SCN4B: variants seen among roughly 807,000 people sequenced by gnomAD.
SCN4B encodes the protein sodium voltage-gated channel beta subunit 4, also known as sodium channel regulatory subunit beta-4.
In SCN4B, 20 loss-of-function variants were observed where a neutral mutation model predicts 19.6. The ratio of observed to expected loss-of-function variants is 1.02; its 90% CI spans 0.72 to 1.48. The LOEUF is 1.48. Among genes scored for constraint, SCN4B ranks in the 40% most tolerant of loss-of-function variants. The probability of loss-of-function intolerance (pLI) is 0.00; values close to 1 mark genes in which losing one functional copy is unlikely to be tolerated. For missense variants in SCN4B, 271 were observed against 287.5 expected (o/e 0.94, Z 0.42); for synonymous variants, 127 against 122.8 (o/e 1.03, Z -0.22).
At chr11:118,150,156 A>G (rs543482999) in intron 1 of SCN4B, among the ~76,000 whole-genome samples, 74 of 152,354 alleles carry the variant, frequency 4.9e-4, no homozygotes, top group Middle Eastern at 3.4e-3. Context: ...CACAGATCAC[A>G]GCAATTAAGT....
At chr11:118,144,991 A>G in intron 2 of SCN4B, 66 bp downstream of exon 2, 1 of 1,510,980 alleles carries the variant, frequency 6.6e-7, no homozygotes, top group South Asian at 1.1e-5. Flanking sequence ...AGAAGGGACC[A>G]GAGCGTAGGA....
rs1948200944 is a variant in SCN4B, at chr11:118,148,169, G to A, written c.62-2940C>T. On this transcript the variant is annotated intron_variant, in intron 1 of 4. Transcript: ENST00000324727. This position sits in a 1 kb window ranked among gnomAD's most constrained non-coding sequence, Gnocchi z 4.0. ...TGGGAGGGGAAAATGAAAACCGGCA[G>A]AAATGGTTTCACAGAGTCCAGAGCC... Among the ~76,000 whole-genome samples, 1 of 152,232 alleles carries A rather than the reference G, an allele frequency of 6.6e-6. No individual in the cohort carries two copies. The highest frequency in any genetic ancestry group is 1.5e-5 in the Non-Finnish European group (1 of 68,050).
In SCN4B at chr11:118,136,669, T is replaced by G. The variant is rs541675028; in HGVS notation, c.*358A>C. On this transcript the variant is annotated 3_prime_UTR_variant, in exon 5 of 5. Coordinates refer to ENST00000324727, the MANE Select transcript of SCN4B (RefSeq NM_174934.4). ...TCCCTTACGGATCCTCCCAGTCTCTTGTGAAGAGAAGCCTGGAGGAAAATC... is the reference window on the plus strand; with the variant it reads ...TCCCTTACGGATCCTCCCAGTCTCTGGTGAAGAGAAGCCTGGAGGAAAATC... The G allele has an allele frequency of 4.3e-6, 2 of 467,910 alleles. No individual in the cohort carries two copies. The highest frequency in any genetic ancestry group is 3.9e-5 in the African/African-American group (2 of 50,696). The allele number at this position is 467,910 out of a possible 1,614,324, so 29.0% of individuals were successfully genotyped here. A position where few individuals can be genotyped will look rare whatever the true frequency, so the allele number is the denominator to read the frequency against.
intron 4 of SCN4B, among the ~76,000 whole-genome samples, chr11:118,139,894 TTTTTTTCTTTTTTC>T (rs1948072421): frequency 7.9e-6 from 1 of 126,094 alleles, no homozygotes; most frequent in Non-Finnish European, 1.6e-5. Context: ...ATTCCTTTTT[TTTTTTTCTTTTTTC>T]TTTTTTTTTT....
rs575927238 is a variant in SCN4B at position 118,134,388 on chromosome 11, T to C, written c.*2639A>G. On this transcript the variant is annotated 3_prime_UTR_variant, in exon 5 of 5. Transcript: ENST00000324727. Reference sequence around the variant, plus strand: ...CATCAGAGATTTGCATGCACTGAGGTTCCACTTGGGGAAGATAGCTTTGCC... The same window carrying C: ...CATCAGAGATTTGCATGCACTGAGGCTCCACTTGGGGAAGATAGCTTTGCC... 5.7e-5 allele frequency: 26 copies of C among 454,124 alleles called. No homozygotes were observed. The highest frequency in any genetic ancestry group is 3.8e-4 in the African/African-American group (19 of 50,126). The allele number at this position is 454,124 out of a possible 1,614,324, so 28.1% of individuals were successfully genotyped here.
rs750380787 is a variant in SCN4B, at chr11:118,143,820, C to A, written c.463+13G>T. On this transcript the variant is annotated intron_variant, in intron 3 of 4. Coordinates refer to ENST00000324727, the MANE Select transcript of SCN4B (RefSeq NM_174934.4). ...TCCCACGCCACTGCCCTGTGCCAGC[C>A]CCTACTGCATACGTCTATCAACGAC... is the stretch of plus-strand genomic sequence containing the variant. The A allele has an allele frequency of 6.3e-7, 1 of 1,599,522 alleles. No homozygotes were observed. Among genetic ancestry groups the A allele is most frequent in the South Asian group, 1.1e-5 (1 of 90,694 alleles).
chr11:118,143,420 G>A (rs1324935134), intron 3 of SCN4B, among the ~76,000 whole-genome samples: 1 of 152,204 alleles, frequency 6.6e-6, no homozygotes, highest in Non-Finnish European at 1.5e-5. Flanking sequence ...CCTCAAGGAA[G>A]AATGTAATGT....
chr11:118,137,381 TC>T (rs1948030540), intron 4 of SCN4B, among the ~76,000 whole-genome samples: 1 of 152,104 alleles, frequency 6.6e-6, no homozygotes, highest in South Asian at 2.1e-4. Context: ...TGTAGAAAGT[TC>T]TCAACTGGCC....
At chr11:118,139,782 G>A (rs1948070729) in intron 4 of SCN4B, among the ~76,000 whole-genome samples, 2 of 152,124 alleles carry the variant, frequency 1.3e-5, no homozygotes, top group Non-Finnish European at 2.9e-5. Flanking sequence ...AAATTGCCTG[G>A]TGGAATTCCT....
At chr11:118,147,311 G>A (rs915208751) in intron 1 of SCN4B, among the ~76,000 whole-genome samples, 27 of 152,192 alleles carry the variant, frequency 1.8e-4, no homozygotes, top group African/African-American at 5.8e-4. Flanking sequence ...GTTACTATAG[G>A]ATAGGAGAGG....
chr11:118,136,613 A>C lies in SCN4B; in HGVS notation c.*414T>G. 1 of 455,318 alleles carries C rather than the reference A, an allele frequency of 2.2e-6. No individual in the cohort carries two copies. Among genetic ancestry groups the C allele is most frequent in the Non-Finnish European group, 4.4e-6 (1 of 227,836 alleles). 28.2% of individuals were successfully genotyped at this position (455,318 alleles called of 1,614,324 possible). On this transcript the variant is annotated 3_prime_UTR_variant, in exon 5 of 5. Coordinates refer to ENST00000324727, the MANE Select transcript of SCN4B (RefSeq NM_174934.4). Reference sequence around the variant, plus strand: ...TCCAAAGGAAGCCACTTCTTCCTACACCCCATCTCCAGGGTGCAGCTCTTA... The same window carrying C: ...TCCAAAGGAAGCCACTTCTTCCTACCCCCCATCTCCAGGGTGCAGCTCTTA...
At chr11:118,151,392 C>T (rs12788624) in intron 1 of SCN4B, among the ~76,000 whole-genome samples, 18,963 of 152,134 alleles carry the variant, frequency 0.12, 1,209 homozygotes, top group Middle Eastern at 0.22. Flanking sequence ...CTGTGCCCAC[C>T]CTGTGAAAAG....
chr11:118,136,080 C>T lies in SCN4B; in HGVS notation c.*947G>A. ...CCAATGGGAGGTTGGAGGGTGCAGC[C>T]TCTCAGGTAGGAGGGGGAGAAGCAG... On this transcript the variant is annotated 3_prime_UTR_variant, in exon 5 of 5. Coordinates refer to ENST00000324727, the MANE Select transcript of SCN4B (RefSeq NM_174934.4). 5.1e-6 allele frequency: 2 copies of T among 389,654 alleles called. No individual in the cohort carries two copies. The highest frequency in any genetic ancestry group is 1.6e-5 in the South Asian group (1 of 61,386). 24.1% of individuals were successfully genotyped at this position (389,654 alleles called of 1,614,324 possible).
rs1477884621 is a variant in SCN4B at position 118,134,102 on chromosome 11, C to T, written c.*2925G>A. 1 of 454,442 alleles carries T rather than the reference C, an allele frequency of 2.2e-6. No individual in the cohort carries two copies. Among genetic ancestry groups the T allele is most frequent in the East Asian group, 6.9e-5 (1 of 14,400 alleles). 28.2% of individuals were successfully genotyped at this position (454,442 alleles called of 1,614,324 possible). A position where few individuals can be genotyped will look rare whatever the true frequency, so the allele number is the denominator to read the frequency against. The stretch of plus-strand genomic sequence containing the variant: ...CTCCACAAGAGCTCTGATCGGCCTG[C>T]CATATGTAGTCTGAGCCCCATCGGC... On this transcript the variant is annotated 3_prime_UTR_variant, in exon 5 of 5. Coordinates refer to ENST00000324727, the MANE Select transcript of SCN4B (RefSeq NM_174934.4).
chr11:118,138,608 T>G (rs1440404405), intron 4 of SCN4B, among the ~76,000 whole-genome samples: 1 of 152,136 alleles, frequency 6.6e-6, no homozygotes, highest in Admixed American at 6.5e-5. Flanking sequence ...GAGAACCTAC[T>G]GGGTACCAGG....
chr11:118,146,792 C>T (rs1948182560), intron 1 of SCN4B, among the ~76,000 whole-genome samples: 1 of 152,210 alleles, frequency 6.6e-6, no homozygotes, highest in Non-Finnish European at 1.5e-5. Flanking sequence ...ACGGCCTGTC[C>T]TATGAGTCAC....
Position 118,152,466 on chromosome 11 carries a change from G to A in SCN4B, c.61+147C>T, listed in dbSNP as rs146379650. ...GGGAGCACAGCCTATGAACCAGGCAGGAACCAGGCAGGAAGCCGGCGGCCA... is the reference window on the plus strand; with the variant it reads ...GGGAGCACAGCCTATGAACCAGGCAAGAACCAGGCAGGAAGCCGGCGGCCA... On this transcript the variant is annotated intron_variant, in intron 1 of 4. Transcript: ENST00000324727. 1.8e-5 allele frequency: 12 copies of A among 682,114 alleles called. No homozygotes were observed. In the East Asian group the frequency reaches 3.4e-4, roughly 19 times the overall value. The allele number at this position is 682,114 out of a possible 1,614,324, so 42.3% of individuals were successfully genotyped here.
chr11:118,151,227 C>T (rs1328202342), intron 1 of SCN4B, among the ~76,000 whole-genome samples: 2 of 152,124 alleles, frequency 1.3e-5, no homozygotes, highest in African/African-American at 4.8e-5. Context: ...GGACTGGCAT[C>T]CCACCACCCA....
chr11:118,134,980 T>C lies in SCN4B; in HGVS notation c.*2047A>G. 2.2e-6 allele frequency: 1 copy of C among 453,914 alleles called. No individual in the cohort carries two copies. Among genetic ancestry groups the C allele is most frequent in the South Asian group, 1.6e-5 (1 of 64,452 alleles). 28.1% of individuals were successfully genotyped at this position (453,914 alleles called of 1,614,324 possible). ...AGGAAAGAGAGGATGGTGCCCTTCT[T>C]CTCCCTACTCTACGTGCCTTGGCTT... is the stretch of plus-strand genomic sequence containing the variant. On this transcript the variant is annotated 3_prime_UTR_variant, in exon 5 of 5. Coordinates refer to ENST00000324727, the MANE Select transcript of SCN4B (RefSeq NM_174934.4).
Sources: gnomAD v4.1 joint callset for allele counts (sites outside exome capture counted in the v4.1 genomes callset) on GRCh38, gnomAD v4.1.1 for gene constraint, Gnocchi (gnomAD v3.1) non-coding constraint, MANE v1.5 for transcripts, NCBI Gene and HGNC (gene_info 2026-07-23, HGNC 2026-07-21) for gene names.